Variants in BRD1 observed in about 807,000 individuals in gnomAD.
The protein encoded by BRD1 is bromodomain containing 1.
BRD1 carries 24 observed loss-of-function variants against 107.7 expected under a neutral mutation model. The observed-to-expected ratio is 0.22, with a 90% CI of 0.16 to 0.31. The LOEUF (loss-of-function observed/expected upper bound fraction) is 0.31, where lower values mean the gene tolerates loss of function less well. BRD1 is among the 10% of genes least tolerant of loss of function. BRD1 has a pLI of 1.00. For missense variants in BRD1, 1,279 were observed against 1,638.6 expected, an observed-to-expected ratio of 0.78 and a Z score of 3.79; for synonymous variants, 744 against 686.1, an observed-to-expected ratio of 1.08 and a Z score of -1.32.
At chr22:49,816,903 C>A (rs931226115) in intron 2 of BRD1, among the ~76,000 whole-genome samples, 2 of 152,220 alleles carry the variant, frequency 1.3e-5, no homozygotes, top group East Asian at 1.9e-4. Flanking sequence ...CCCTTAGCAG[C>A]CGGCATATAC....
intron 7 of BRD1, among the ~76,000 whole-genome samples, chr22:49,789,880 T>C (rs2059399948): frequency 6.6e-6 from 1 of 152,066 alleles, no homozygotes; most frequent in African/African-American, 2.4e-5. Context: ...TCGGCCCAGC[T>C]AGGATGCCCC....
chr22:49,775,542 C>G, intron 12 of BRD1, 49 bp downstream of exon 12: 1 of 1,344,060 alleles, frequency 7.4e-7, no homozygotes, highest in Non-Finnish European at 9.6e-7. Flanking sequence ...GAGCCCACGG[C>G]CCCCAACCAC....
In BRD1 at chr22:49,776,967, G is replaced by A. The variant is rs1006110444; in HGVS notation, c.3121+67C>T. The A allele has an allele frequency of 8.8e-6, 14 of 1,597,378 alleles. No individual in the cohort carries two copies. In the African/African-American group the frequency reaches 1.3e-4, roughly 15 times the overall value. On this transcript the variant is annotated intron_variant, in intron 10 of 12. Transcript: ENST00000404760. ...TCCCTGAGCCGGAGTCCAGTCCCCA[G>A]CAGTCGAGCCCTAAGACGCTAACCA... is the stretch of plus-strand genomic sequence containing the variant.
intron 2 of BRD1, chr22:49,818,220 G>T: frequency 8.4e-7 from 1 of 1,190,038 alleles, no homozygotes; most frequent in Non-Finnish European, 1.1e-6. Context: ...ACAAAGCCTT[G>T]CCTATCTGAG....
intron 8 of BRD1, among the ~76,000 whole-genome samples, chr22:49,785,056 C>T (rs549800491): frequency 1.3e-5 from 2 of 152,252 alleles, no homozygotes; most frequent in Non-Finnish European, 2.9e-5. Context: ...TGCAGTAAGA[C>T]TGCTCTACAC....
Position 49,823,791 on chromosome 22 carries a change from T to C in BRD1, c.527A>G (p.Asp176Gly). 6.2e-7 allele frequency: 1 copy of C among 1,614,086 alleles called. No individual in the cohort carries two copies. The highest frequency in any genetic ancestry group is 8.5e-7 in the Non-Finnish European group (1 of 1,180,026). ...LEIVNEKRKG[D>G]CVPAVSQSMF... ...GCTCTGCGACACGGCGGGGACGCAG[T>C]CGCCCTTGCGCTTCTCATTGACGAT... is the stretch of plus-strand genomic sequence containing the variant. Residue 176 changes from aspartate (D) to glycine (G), a missense_variant, in exon 2 of 13, where the codon GAC (aspartate) becomes GGC (glycine). By Grantham distance (94) the Asp-to-Gly change is moderately conservative. Transcript: ENST00000404760.
chr22:49,776,753 C>G (rs574149063), intron 10 of BRD1, among the ~76,000 whole-genome samples: 19 of 152,254 alleles, frequency 1.2e-4, no homozygotes, highest in Non-Finnish European at 2.1e-4. Context: ...CAACCCCAGA[C>G]AGCCTTGACA....
At chr22:49,781,491 C>T (rs1317357366) in intron 8 of BRD1, among the ~76,000 whole-genome samples, 13 of 152,264 alleles carry the variant, frequency 8.5e-5, no homozygotes, top group Admixed American at 7.8e-4. Flanking sequence ...GTGGACACCA[C>T]AAATCCTCCA....
intron 2 of BRD1, among the ~76,000 whole-genome samples, chr22:49,820,584 C>A (rs1464341218): frequency 6.6e-6 from 1 of 152,148 alleles, no homozygotes; most frequent in Non-Finnish European, 1.5e-5. Context: ...CCAACGTGGG[C>A]AACAGAACAA....
Position 49,787,714 on chromosome 22 carries a change from C to T in BRD1, c.2533G>A (p.Ala845Thr), listed in dbSNP as rs1270416236. 2.6e-6 allele frequency: 4 copies of T among 1,550,784 alleles called. No individual in the cohort carries two copies. Among genetic ancestry groups the T allele is most frequent in the African/African-American group, 1.4e-5 (1 of 73,186 alleles). The part of the protein sequence containing the change: ...NESHSACTQS[A>T]LVSGRPPEPT... ...TCTGGAGGGCGTCCGCTTACCAGTGCGCTCTGAGTGCAAGCGCTATGTGAT... is the reference window on the plus strand; with the variant it reads ...TCTGGAGGGCGTCCGCTTACCAGTGTGCTCTGAGTGCAAGCGCTATGTGAT... The change falls in exon 8 of 13, where the codon GCA (alanine) becomes ACA (threonine). Residue 845 changes from alanine to threonine, a missense_variant. Ala to Thr is a moderately conservative substitution (Grantham distance 58). Coordinates refer to ENST00000404760, the MANE Select transcript of BRD1 (RefSeq NM_001304808.3).
chr22:49,826,030 A>C (rs947201987), intron 1 of BRD1: 2 of 313,780 alleles, frequency 6.4e-6, no homozygotes, highest in Non-Finnish European at 4.6e-6. Context: ...GCCACCCCCC[A>C]GCCGGCCCCG....
chr22:49,798,221 G>C, intron 5 of BRD1, 104 bp from the exon 6 acceptor site: 1 of 1,187,984 alleles, frequency 8.4e-7, no homozygotes, highest in Non-Finnish European at 1.2e-6. Flanking sequence ...CTATCTGAGA[G>C]CCACACACAG....
chr22:49,822,971 A>G lies in BRD1; in HGVS notation c.1347T>C (p.Ala449=), dbSNP rs1392030185. The change falls in exon 2 of 13, where the codon GCT becomes GCC. Residue 449 remains alanine (A), a synonymous_variant. Coordinates refer to ENST00000404760, the MANE Select transcript of BRD1 (RefSeq NM_001304808.3). ...CTTACCTCTGCGGGGGAATATAAGG[A>G]GCGCACACGGTCGGCAGGACCGCGC... ...EPCAVLPTVC[A]PYIPPQRLNR... The G allele has an allele frequency of 1.2e-6, 2 of 1,613,994 alleles. No individual in the cohort carries two copies. The highest frequency in any genetic ancestry group is 1.3e-5 in the African/African-American group (1 of 74,878).
At chr22:49,797,531 G>A (rs1288230024) in intron 6 of BRD1, among the ~76,000 whole-genome samples, 2 of 152,172 alleles carry the variant, frequency 1.3e-5, no homozygotes, top group South Asian at 2.1e-4. Context: ...TGGCAAAGAA[G>A]GTGAAAAGCT....
In BRD1 at chr22:49,803,232, GGC is replaced by G. The variant is rs2059675003; in HGVS notation, c.1524+970_1524+971del. Among the ~76,000 whole-genome samples, 1 of 150,916 alleles carries G rather than the reference GGC, an allele frequency of 6.6e-6. No individual in the cohort carries two copies. Among genetic ancestry groups the G allele is most frequent in the Non-Finnish European group, 1.5e-5 (1 of 68,038 alleles). On this transcript the variant is annotated intron_variant, in intron 3 of 12. Coordinates refer to ENST00000404760, the MANE Select transcript of BRD1 (RefSeq NM_001304808.3). This position sits in a 1 kb window ranked among gnomAD's most constrained non-coding sequence, Gnocchi z 4.4. ...GAGTCTGCGAGGCAGAGACAGCACC[GGC>G]CACCGCACCACCGCACGGGGACCCA...
chr22:49,813,497 C>G (rs1402660477), intron 2 of BRD1, among the ~76,000 whole-genome samples: 1 of 149,662 alleles, frequency 6.7e-6, no homozygotes, highest in Non-Finnish European at 1.5e-5. Context: ...GCTGGGATTA[C>G]AGGCGTGAGC....
chr22:49,807,953 C>G (rs1183796784), intron 2 of BRD1, among the ~76,000 whole-genome samples: 2 of 152,010 alleles, frequency 1.3e-5, no homozygotes, highest in Non-Finnish European at 2.9e-5. Flanking sequence ...TCAATAAACA[C>G]AGAAATGCAA....
At chr22:49,801,284 C>T (rs1327121266) in intron 3 of BRD1, among the ~76,000 whole-genome samples, 5 of 152,240 alleles carry the variant, frequency 3.3e-5, no homozygotes, top group Admixed American at 3.3e-4. Context: ...CGGCCACACA[C>T]ACCAGAACAA....
At chr22:49,775,803 C>G (rs1162031063) in intron 11 of BRD1, 58 bp from the exon 12 acceptor site, 1 of 1,459,306 alleles carries the variant, frequency 6.9e-7, no homozygotes, top group East Asian at 2.4e-5. Context: ...AACAACCCCA[C>G]CTGTCACTGG....
Sources: allele counts gnomAD v4.1 joint callset (sites outside exome capture counted in the v4.1 genomes callset), GRCh38; gene constraint gnomAD v4.1.1; non-coding constraint Gnocchi (gnomAD v3.1); transcripts MANE v1.5; gene names NCBI Gene and HGNC (gene_info 2026-07-23, HGNC 2026-07-21).